Variants in NLGN1 observed in about 807,000 individuals in gnomAD.
NLGN1 encodes the protein neuroligin 1.
Under a neutral mutation model 65.5 loss-of-function variants are expected in NLGN1, and 12 were observed. The ratio of observed to expected loss-of-function variants is 0.18; its 90% CI spans 0.12 to 0.30. NLGN1 has a LOEUF of 0.30. Ranked by LOEUF, NLGN1 falls within the 10% of genes least tolerant of loss-of-function variation. The pLI is 1.00. For missense variants in NLGN1, 750 were observed against 1,007.1 expected, an observed-to-expected ratio of 0.74 and a Z score of 3.46; for synonymous variants, 350 against 359.5, an observed-to-expected ratio of 0.97 and a Z score of 0.30.
chr3:173,836,777 G>C (rs150152653), intron 4 of NLGN1, among the ~76,000 whole-genome samples: 30 of 152,186 alleles, frequency 2.0e-4, no homozygotes, highest in East Asian at 1.9e-3. Context: ...CACAAAGTCT[G>C]GTACAATCTT....
intron 4 of NLGN1, among the ~76,000 whole-genome samples, chr3:174,183,500 T>C (rs1442350681): frequency 6.6e-6 from 1 of 152,126 alleles, no homozygotes; most frequent in African/African-American, 2.4e-5. Flanking sequence ...TACCAAGAAA[T>C]AATTTATGAT....
At chr3:173,875,332 C>G (rs1447557541) in intron 4 of NLGN1, among the ~76,000 whole-genome samples, 1 of 152,164 alleles carries the variant, frequency 6.6e-6, no homozygotes, top group South Asian at 2.1e-4. Flanking sequence ...TTTGTAAGAT[C>G]TGTACTCAAG....
chr3:173,980,052 CA>C (rs1718416156), intron 4 of NLGN1, among the ~76,000 whole-genome samples: 1 of 152,012 alleles, frequency 6.6e-6, no homozygotes, highest in African/African-American at 2.4e-5. Flanking sequence ...TTTGAAGTAG[CA>C]TGGTGTTTCC....
At chr3:173,786,120 C>T (rs1013410281) in intron 3 of NLGN1, among the ~76,000 whole-genome samples, 5 of 152,118 alleles carry the variant, frequency 3.3e-5, no homozygotes, top group Non-Finnish European at 5.9e-5. Context: ...TTTTAATAAG[C>T]TCCCTAGGTA....
chr3:173,816,677 G>A (rs1024593092), intron 4 of NLGN1, among the ~76,000 whole-genome samples: 61 of 152,174 alleles, frequency 4.0e-4, no homozygotes, highest in African/African-American at 1.4e-3. Context: ...GTCCTGGCCT[G>A]CATTTCTTAG....
intron 4 of NLGN1, among the ~76,000 whole-genome samples, chr3:174,106,070 C>G (rs1713716145): frequency 6.6e-6 from 1 of 152,006 alleles, no homozygotes; most frequent in Non-Finnish European, 1.5e-5. Flanking sequence ...TTGGTAAGGA[C>G]CATAAGGCTT....
At chr3:174,140,560 A>G (rs1395464463) in intron 4 of NLGN1, among the ~76,000 whole-genome samples, 1 of 152,152 alleles carries the variant, frequency 6.6e-6, no homozygotes, top group African/African-American at 2.4e-5. Flanking sequence ...AAATTTCTGA[A>G]TGTCATACAA....
At chr3:173,396,550 C>T (rs1039289071), upstream of NLGN1, 4 of 152,306 alleles carry the variant, frequency 2.6e-5, no homozygotes, top group African/African-American at 7.2e-5. Flanking sequence ...AACAAGAACA[C>T]TATTAACATT....
chr3:173,829,427 A>C (rs1168771997), intron 4 of NLGN1, among the ~76,000 whole-genome samples: 1 of 152,176 alleles, frequency 6.6e-6, no homozygotes, highest in Non-Finnish European at 1.5e-5. Flanking sequence ...GATAAATAAA[A>C]ATTCTATACA....
At chr3:173,442,302 A>G (rs1039227207) in intron 2 of NLGN1, among the ~76,000 whole-genome samples, 1 of 152,182 alleles carries the variant, frequency 6.6e-6, no homozygotes. Context: ...AGTTATTTCC[A>G]TTGTATTTAA....
chr3:173,461,159 T>G (rs1376619059), intron 2 of NLGN1, among the ~76,000 whole-genome samples: 1 of 152,114 alleles, frequency 6.6e-6, no homozygotes, highest in Non-Finnish European at 1.5e-5. Context: ...TGTAAGGAAA[T>G]CAATCAAAGA....
chr3:174,136,223 C>T (rs928338541), intron 4 of NLGN1, among the ~76,000 whole-genome samples: 2 of 152,074 alleles, frequency 1.3e-5, no homozygotes, highest in Non-Finnish European at 2.9e-5. Flanking sequence ...GGAATGTTCA[C>T]ATTAATATTA....
intron 2 of NLGN1, among the ~76,000 whole-genome samples, chr3:173,524,168 T>C (rs1194279135): frequency 7.2e-4 from 109 of 151,820 alleles, no homozygotes; most frequent in African/African-American, 2.6e-3. Context: ...CCTCGTGATC[T>C]GCCCGCCTCA....
intron 3 of NLGN1, among the ~76,000 whole-genome samples, chr3:173,747,238 T>TCTTTAAGTATATATATTTAAATATATATA: frequency 6.8e-6 from 1 of 146,252 alleles, no homozygotes; most frequent in African/African-American, 2.5e-5. Context: ...AATATATATA[T>TCTTTAAGTATATATATTTAAATATATATA]CTTTAAGTAT....
In NLGN1 at chr3:173,982,706, A is replaced by C. The variant is rs79690688; in HGVS notation, c.646+174874A>C. Among the ~76,000 whole-genome samples, 92 of 152,316 alleles carry C rather than the reference A, an allele frequency of 6.0e-4. 1 individual carries two copies. In the East Asian group the frequency reaches 0.016, roughly 27 times the overall value. ...TTTGTCATATTGGTTAGGTTGATCC[A>C]GTTTTCCTTTCTGTGGCTGCTGCTG... On this transcript the variant is annotated intron_variant, in intron 4 of 6. Transcript: ENST00000457714.
At chr3:174,017,447 T>G (rs1475295583) in intron 4 of NLGN1, among the ~76,000 whole-genome samples, 1 of 152,162 alleles carries the variant, frequency 6.6e-6, no homozygotes, top group Non-Finnish European at 1.5e-5. Context: ...ATATAATTTG[T>G]CATTTTAGTG....
At chr3:173,497,111 C>T (rs1165067480) in intron 2 of NLGN1, among the ~76,000 whole-genome samples, 2 of 151,844 alleles carry the variant, frequency 1.3e-5, no homozygotes, top group African/African-American at 2.4e-5. Flanking sequence ...AGGCCAGGTG[C>T]GGTGGCTCAC....
At chr3:173,890,272 T>C (rs1354267817) in intron 4 of NLGN1, among the ~76,000 whole-genome samples, 1 of 152,152 alleles carries the variant, frequency 6.6e-6, no homozygotes, top group Non-Finnish European at 1.5e-5. Flanking sequence ...TTCTAGGACC[T>C]GTCCCTTCAG....
intron 4 of NLGN1, among the ~76,000 whole-genome samples, chr3:173,963,037 TAAA>T (rs1475963880): frequency 6.6e-6 from 1 of 152,114 alleles, no homozygotes; most frequent in African/African-American, 2.4e-5. Context: ...TTACTAGTAA[TAAA>T]AATAATAATT....
Sources: allele counts gnomAD v4.1 joint callset (sites outside exome capture counted in the v4.1 genomes callset), GRCh38; gene constraint gnomAD v4.1.1; transcripts MANE v1.5; gene names NCBI Gene and HGNC (gene_info 2026-07-23, HGNC 2026-07-21).